The following UGT1A3 variants were observed in gnomAD, a reference collection of about 807,000 sequenced individuals.
UGT1A3 encodes the protein UDP-glucuronosyltransferase 1A3.
Under a neutral mutation model 41.0 loss-of-function variants are expected in UGT1A3, and 31 were observed. That is an observed-to-expected ratio of 0.76 (90% confidence interval 0.57 to 1.02). UGT1A3 has a LOEUF of 1.02. UGT1A3 is among the 50% of genes least tolerant of loss of function. UGT1A3 has a pLI of 0.00. For missense variants in UGT1A3, 737 were observed against 671.0 expected, an observed-to-expected ratio of 1.10 and a Z score of -1.09; for synonymous variants, 262 against 257.6, an observed-to-expected ratio of 1.02 and a Z score of -0.17.
chr2:233,746,059 C>T (rs188125843), intron 1 of UGT1A3, among the ~76,000 whole-genome samples: 12 of 151,720 alleles, frequency 7.9e-5, no homozygotes, highest in Admixed American at 2.0e-4. Flanking sequence ...GGGTCTAGAA[C>T]GAAAAGAGAA....
At chr2:233,743,874 A>T in intron 1 of UGT1A3, 1 of 1,367,118 alleles carries the variant, frequency 7.3e-7, no homozygotes, top group Non-Finnish European at 9.8e-7. Context: ...GCCTCGGATG[A>T]GGCCTGCCGG....
chr2:233,740,668 G>C (rs1267064015), intron 1 of UGT1A3: 1 of 151,782 alleles, frequency 6.6e-6, no homozygotes, highest in Non-Finnish European at 1.5e-5. Context: ...GAAGGTACAG[G>C]TGTTTCCATG....
intron 1 of UGT1A3, chr2:233,760,347 G>A (rs1239455417): frequency 6.2e-7 from 1 of 1,613,914 alleles, no homozygotes; most frequent in African/African-American, 1.3e-5. Flanking sequence ...TGTGTGTGCT[G>A]GGCCCAGTGG....
At chr2:233,732,618 A>G (rs2078289754) in intron 1 of UGT1A3, among the ~76,000 whole-genome samples, 1 of 152,068 alleles carries the variant, frequency 6.6e-6, no homozygotes, top group Non-Finnish European at 1.5e-5. Flanking sequence ...ATGGTTGTAG[A>G]TGTGTGGTGT....
chr2:233,744,011 C>G, intron 1 of UGT1A3: 1 of 1,116,884 alleles, frequency 9.0e-7, no homozygotes, highest in South Asian at 1.5e-5. Flanking sequence ...AGACCTGGGC[C>G]GCCTGGAGAG....
At chr2:233,731,107 A>T (rs1222432137) in intron 1 of UGT1A3, among the ~76,000 whole-genome samples, 4 of 151,962 alleles carry the variant, frequency 2.6e-5, no homozygotes, top group Admixed American at 2.6e-4. Flanking sequence ...CTTTTTTATA[A>T]ATGTAGGTAT....
rs766438569 is a variant in UGT1A3, at chr2:233,729,630, T to G, written c.504T>G (p.Pro168=). 4 of 1,613,982 alleles carry G rather than the reference T, an allele frequency of 2.5e-6. No homozygotes were observed. The South Asian group carries it at 4.4e-5, about 18-fold the overall frequency. ...AAVLAKYLSI[P]TVFFLRNIPC... is the part of the protein sequence containing the mutation. ...TGCTGGCTAAGTACCTGTCGATTCCTACTGTGTTTTTTTTGAGGAACATTC... is the reference window on the plus strand; with the variant it reads ...TGCTGGCTAAGTACCTGTCGATTCCGACTGTGTTTTTTTTGAGGAACATTC... Residue 168 remains proline, a synonymous_variant, in exon 1 of 5, where the codon CCT becomes CCG. Transcript: ENST00000482026.
chr2:233,746,453 C>T (rs1693396271), intron 1 of UGT1A3, among the ~76,000 whole-genome samples: 1 of 151,712 alleles, frequency 6.6e-6, no homozygotes, highest in South Asian at 2.1e-4. Flanking sequence ...AAGAAAGTAC[C>T]TTCAAAAGGG....
intron 1 of UGT1A3, among the ~76,000 whole-genome samples, chr2:233,732,038 A>G (rs541263635): frequency 3.5e-4 from 54 of 152,356 alleles, no homozygotes; most frequent in African/African-American, 1.2e-3. Context: ...ATGACCAGTG[A>G]TGATGAGCAT....
intron 1 of UGT1A3, chr2:233,744,024 G>T: frequency 1.1e-6 from 1 of 951,358 alleles, no homozygotes; most frequent in Non-Finnish European, 1.4e-6. Flanking sequence ...CTGGAGAGAC[G>T]CCCCTTATGA....
At chr2:233,744,160 C>A (rs555064194) in intron 1 of UGT1A3, 3 of 294,534 alleles carry the variant, frequency 1.0e-5, no homozygotes, top group Non-Finnish European at 2.0e-5. Context: ...CCAGGCCCCG[C>A]CCACTCCGGC....
At chr2:233,756,500 A>G (rs976556517) in intron 1 of UGT1A3, 2 of 152,096 alleles carry the variant, frequency 1.3e-5, no homozygotes, top group East Asian at 1.9e-4. Context: ...GCCCAAGTAT[A>G]TGGAGGGTCA....
chr2:233,762,253 C>T (rs1056806461), intron 1 of UGT1A3, among the ~76,000 whole-genome samples: 3 of 152,100 alleles, frequency 2.0e-5, no homozygotes, highest in African/African-American at 7.2e-5. Context: ...AGGCACCCAC[C>T]GAATATGTGT....
At chr2:233,761,290 C>T in intron 1 of UGT1A3, 1 of 1,537,354 alleles carries the variant, frequency 6.5e-7, no homozygotes, top group Non-Finnish European at 8.8e-7. Context: ...TTTTTGACTC[C>T]TAGGTTTGAG....
chr2:233,771,958 T>A (rs1232504862), intron 4 of UGT1A3, among the ~76,000 whole-genome samples: 1 of 152,108 alleles, frequency 6.6e-6, no homozygotes, highest in East Asian at 1.9e-4. Context: ...CTACAAAAAA[T>A]TTAAAAATTG....
chr2:233,741,661 C>T (rs1691734186), intron 1 of UGT1A3: 1 of 151,910 alleles, frequency 6.6e-6, no homozygotes, highest in African/African-American at 2.4e-5. Flanking sequence ...CTGCCATGTT[C>T]CTGCTGTTTA....
chr2:233,731,901 A>G (rs1358657529), intron 1 of UGT1A3, among the ~76,000 whole-genome samples: 15 of 152,182 alleles, frequency 9.9e-5, no homozygotes, highest in Non-Finnish European at 1.9e-4. Flanking sequence ...ACTCCCACCA[A>G]TGGTGTAAAA....
chr2:233,765,364 C>T (rs1321623468), intron 1 of UGT1A3, among the ~76,000 whole-genome samples: 1 of 152,168 alleles, frequency 6.6e-6, no homozygotes, highest in African/African-American at 2.4e-5. Flanking sequence ...CCCAGATGCC[C>T]ATCAATGGTA....
intron 1 of UGT1A3, among the ~76,000 whole-genome samples, chr2:233,745,499 C>T (rs763251786): frequency 6.6e-6 from 1 of 151,510 alleles, no homozygotes; most frequent in Non-Finnish European, 1.5e-5. Context: ...TCTAAGATTT[C>T]CTATAGGGTA....
Sources: allele counts gnomAD v4.1 joint callset (sites outside exome capture counted in the v4.1 genomes callset), GRCh38; gene constraint gnomAD v4.1.1; transcripts MANE v1.5; gene names NCBI Gene and HGNC (gene_info 2026-07-23, HGNC 2026-07-21).